Variants in RBFOX2 observed in about 807,000 individuals in gnomAD.
RBFOX2 encodes the protein RNA binding protein fox-1 homolog 2.
Under a neutral mutation model 49.1 loss-of-function variants are expected in RBFOX2, and 10 were observed. The ratio of observed to expected loss-of-function variants is 0.20; its 90% confidence interval spans 0.13 to 0.35. RBFOX2 has a LOEUF of 0.35. Among genes scored for constraint, RBFOX2 ranks in the 10% least tolerant of loss-of-function variants. The pLI is 1.00. For missense variants in RBFOX2, 323 were observed against 486.9 expected, an observed-to-expected ratio of 0.66 and a Z score of 3.17; for synonymous variants, 183 against 187.4, an observed-to-expected ratio of 0.98 and a Z score of 0.19.
At chr22:35,889,227 C>T (rs1341168621) in intron 1 of RBFOX2, among the ~76,000 whole-genome samples, 7 of 152,136 alleles carry the variant, frequency 4.6e-5, no homozygotes, top group Non-Finnish European at 7.4e-5. Flanking sequence ...CTACATTCCT[C>T]CCTAGACCGT....
intron 1 of RBFOX2, chr22:35,995,254 T>C (rs2058142059): frequency 6.6e-6 from 1 of 152,212 alleles, no homozygotes; most frequent in Non-Finnish European, 1.5e-5. Flanking sequence ...TACATCCATT[T>C]GAAATGGAAA....
chr22:35,801,123 G>C (rs1261747533), intron 2 of RBFOX2, among the ~76,000 whole-genome samples: 2 of 152,086 alleles, frequency 1.3e-5, no homozygotes, highest in Admixed American at 1.3e-4. Flanking sequence ...ATATCCCAAA[G>C]GGATATTTTA....
chr22:35,826,514 G>C (rs961142662), intron 1 of RBFOX2, among the ~76,000 whole-genome samples: 2 of 151,960 alleles, frequency 1.3e-5, no homozygotes, highest in Non-Finnish European at 2.9e-5. Context: ...ACAAATATGA[G>C]GGGAAAAATC....
chr22:35,858,826 CAAAAAAA>C (rs771614258), intron 1 of RBFOX2, among the ~76,000 whole-genome samples: 23 of 53,738 alleles, frequency 4.3e-4, no homozygotes, highest in East Asian at 2.1e-3. Flanking sequence ...GACTCTGTCT[CAAAAAAA>C]AAAAAAAAAA....
intron 1 of RBFOX2, among the ~76,000 whole-genome samples, chr22:36,004,023 C>A (rs777919551): frequency 6.6e-6 from 1 of 152,148 alleles, no homozygotes; most frequent in Non-Finnish European, 1.5e-5. Context: ...CCCCTAGATG[C>A]CAGTAAGACC....
At chr22:35,890,824 A>G (rs1291615215) in intron 1 of RBFOX2, among the ~76,000 whole-genome samples, 1 of 152,144 alleles carries the variant, frequency 6.6e-6, no homozygotes, top group Non-Finnish European at 1.5e-5. Flanking sequence ...AAAAAAAATC[A>G]GGTTCTCCCA....
chr22:35,752,744 C>T, intron 9 of RBFOX2: 1 of 568,670 alleles, frequency 1.8e-6, no homozygotes, highest in Non-Finnish European at 2.2e-6. Flanking sequence ...GGCCCACCAG[C>T]CTTTTCTTTC....
intron 1 of RBFOX2, among the ~76,000 whole-genome samples, chr22:35,956,285 T>C (rs998922370): frequency 6.6e-6 from 1 of 152,182 alleles, no homozygotes; most frequent in Non-Finnish European, 1.5e-5. Flanking sequence ...TTTCCAAAAC[T>C]CTAGTTTTTG....
exon 12 of RBFOX2, chr22:35,743,399 T>C (rs1034569792): frequency 1.3e-5 from 2 of 152,188 alleles, no homozygotes; most frequent in Non-Finnish European, 2.9e-5. Context: ...CTAGAAGGAA[T>C]GCTAGGTTAC....
intron 1 of RBFOX2, among the ~76,000 whole-genome samples, chr22:35,824,669 G>C (rs752202596): frequency 3.3e-5 from 5 of 152,092 alleles, no homozygotes; most frequent in Non-Finnish European, 7.4e-5. Context: ...ACAGAACTAG[G>C]GATACCTGAA....
intron 1 of RBFOX2, among the ~76,000 whole-genome samples, chr22:35,859,251 TA>T (rs1016177064): frequency 1.3e-5 from 2 of 152,138 alleles, no homozygotes; most frequent in Non-Finnish European, 2.9e-5. Context: ...AAATGTACTT[TA>T]AAAAAACTAG....
At chr22:35,943,033 T>C (rs1231974880), upstream of RBFOX2, among the ~76,000 whole-genome samples, 1 of 152,220 alleles carries the variant, frequency 6.6e-6, no homozygotes, top group East Asian at 1.9e-4. Context: ...TTTAAGTGAT[T>C]TGCTCATAAT....
At chr22:35,872,485 T>C (rs2044481881) in intron 1 of RBFOX2, among the ~76,000 whole-genome samples, 1 of 152,202 alleles carries the variant, frequency 6.6e-6, no homozygotes, top group Admixed American at 6.5e-5. Context: ...AATTGGATCA[T>C]ACGTGGACTT....
chr22:35,969,565 CTT>C (rs2150001863), intron 1 of RBFOX2, among the ~76,000 whole-genome samples: 1 of 152,222 alleles, frequency 6.6e-6, no homozygotes, highest in Non-Finnish European at 1.5e-5. Flanking sequence ...CAGAGGGAAA[CTT>C]TGTCTCAAAA....
rs941036340 is a variant in RBFOX2, at chr22:35,897,957, G to A, written c.-34+40890C>T. On this transcript the variant is annotated intron_variant, in intron 1 of 13. Transcript: ENST00000359369. ...CCTTGGACACCTGAGCAATTGCTTG[G>A]GGAATCTTCACAAAAACATCCTCAA... is the stretch of plus-strand genomic sequence containing the variant. 26 of 774,412 alleles carry A rather than the reference G, an allele frequency of 3.4e-5. No homozygotes were observed. In the African/African-American group the frequency reaches 4.1e-4, roughly 12 times the overall value. 48.0% of individuals were successfully genotyped at this position (774,412 alleles called of 1,614,324 possible).
At chr22:35,756,055 G>C (rs1936826461) in intron 9 of RBFOX2, 50 bp downstream of exon 11, 1 of 1,283,890 alleles carries the variant, frequency 7.8e-7, no homozygotes. Flanking sequence ...AAAAAAAAAG[G>C]CTGGCTTGTC....
intron 1 of RBFOX2, among the ~76,000 whole-genome samples, chr22:35,879,147 G>A (rs2045548422): frequency 1.3e-5 from 2 of 152,218 alleles, no homozygotes; most frequent in South Asian, 2.1e-4. Context: ...AAGGCCAGGA[G>A]GAAGACATGA....
chr22:35,850,050 T>C (rs2148961123), intron 1 of RBFOX2, among the ~76,000 whole-genome samples: 1 of 152,218 alleles, frequency 6.6e-6, no homozygotes, highest in African/African-American at 2.4e-5. Flanking sequence ...ATAATATATA[T>C]GTTCCAGGCT....
At chr22:35,937,998 G>T (rs1357898488) in intron 1 of RBFOX2, among the ~76,000 whole-genome samples, 1 of 152,168 alleles carries the variant, frequency 6.6e-6, no homozygotes, top group African/African-American at 2.4e-5. Context: ...ATATCTCCTG[G>T]ACAAGTATAA....
Sources: allele counts gnomAD v4.1 joint callset (sites outside exome capture counted in the v4.1 genomes callset), GRCh38; gene constraint gnomAD v4.1.1; transcripts MANE v1.5; gene names NCBI Gene and HGNC (gene_info 2026-07-23, HGNC 2026-07-21).